The following SULT6B1 variants were observed in gnomAD, a reference collection of about 807,000 sequenced individuals.
SULT6B1 encodes sulfotransferase 6B1.
SULT6B1 carries 44 observed loss-of-function variants against 37.2 expected under a neutral mutation model. The observed-to-expected ratio is 1.18, with a 90% CI of 0.93 to 1.52. The LOEUF is 1.52. Among genes scored for constraint, SULT6B1 ranks in the 40% most tolerant of loss-of-function variants. The probability of loss-of-function intolerance (pLI) is 0.00; values close to 1 mark genes in which losing one functional copy is unlikely to be tolerated. For missense variants in SULT6B1, 450 were observed against 361.0 expected, an observed-to-expected ratio of 1.25 and a Z score of -2.00; for synonymous variants, 140 against 126.0, an observed-to-expected ratio of 1.11 and a Z score of -0.74.
At chr2:37,168,803 C>A (rs577197793) in intron 6 of SULT6B1, among the ~76,000 whole-genome samples, 1 of 152,144 alleles carries the variant, frequency 6.6e-6, no homozygotes, top group African/African-American at 2.4e-5. Context: ...CTGGCTGTTA[C>A]CAGTAAAGAA....
chr2:37,190,181 C>A (rs184656434), upstream of SULT6B1, among the ~76,000 whole-genome samples: 52 of 152,330 alleles, frequency 3.4e-4, no homozygotes, highest in Admixed American at 8.5e-4. Flanking sequence ...TTTTCTGGGT[C>A]ATAATTTACT....
intron 5 of SULT6B1, 71 bp from the exon 6 acceptor site, chr2:37,171,661 T>C (rs1324589101): frequency 6.7e-7 from 1 of 1,486,184 alleles, no homozygotes; most frequent in Non-Finnish European, 9.2e-7. Flanking sequence ...ACAGACTTTT[T>C]AGTCATCAGA....
At chr2:37,168,527 A>G (rs1023690077) in intron 6 of SULT6B1, among the ~76,000 whole-genome samples, 5 of 152,178 alleles carry the variant, frequency 3.3e-5, no homozygotes, top group African/African-American at 4.8e-5. Context: ...GGACTCCACC[A>G]TCTGTGGTGT....
Position 37,167,967 on chromosome 2 carries a change from T to G in SULT6B1, c.880A>C (p.Lys294Gln), listed in dbSNP as rs1463153848. 1 of 1,599,670 alleles carries G rather than the reference T, an allele frequency of 6.3e-7. No individual in the cohort carries two copies. The highest frequency in any genetic ancestry group is 1.8e-5 in the Admixed American group (1 of 55,324). Reference protein sequence around the residue: ...ECLAGTSLGAKLKYESYCQG With the variant: ...ECLAGTSLGAQLKYESYCQG ...TGGCAATATGATTCATACTTCAACT[T>G]TGCTCCGAGGGAGGTGCCTGCTAAG... The change falls in exon 7 of 7, where the codon AAG (lysine) becomes CAG (glutamine). Residue 294 changes from lysine (K) to glutamine (Q), a missense_variant. Transcript: ENST00000535679.
chr2:37,169,313 A>T (rs1375664226), intron 6 of SULT6B1, among the ~76,000 whole-genome samples: 2 of 152,192 alleles, frequency 1.3e-5, no homozygotes, highest in Non-Finnish European at 2.9e-5. Flanking sequence ...TAGATTTTAA[A>T]AATGGATTTT....
intron 6 of SULT6B1, 60 bp downstream of exon 6, chr2:37,171,374 C>CA: frequency 6.4e-7 from 1 of 1,553,722 alleles, no homozygotes; most frequent in South Asian, 1.2e-5. Flanking sequence ...TTTGGATTAC[C>CA]TGTTGTGTGC....
chr2:37,186,431 CTA>C (rs1430194445), intron 2 of SULT6B1, among the ~76,000 whole-genome samples: 2 of 152,112 alleles, frequency 1.3e-5, no homozygotes, highest in Non-Finnish European at 2.9e-5. Flanking sequence ...GTAGAACATC[CTA>C]TCTCACATCC....
intron 3 of SULT6B1, among the ~76,000 whole-genome samples, 169 bp downstream of exon 3, chr2:37,183,256 G>A (rs1359376813): frequency 6.6e-6 from 1 of 152,032 alleles, no homozygotes; most frequent in Non-Finnish European, 1.5e-5. Context: ...TTTGACTTGA[G>A]TGCAACTATA....
chr2:37,179,056 A>G (rs1676491608), intron 4 of SULT6B1, among the ~76,000 whole-genome samples: 1 of 152,136 alleles, frequency 6.6e-6, no homozygotes, highest in Admixed American at 6.6e-5. Flanking sequence ...CCTTCTGGGT[A>G]TAAGCAATTT....
At chr2:37,190,361 G>T (rs1676757199), upstream of SULT6B1, among the ~76,000 whole-genome samples, 2 of 152,234 alleles carry the variant, frequency 1.3e-5, no homozygotes, top group South Asian at 4.1e-4. Context: ...AACCAGTGAA[G>T]AAGATGACTT....
intron 2 of SULT6B1, among the ~76,000 whole-genome samples, chr2:37,185,738 C>T (rs866666134): frequency 1.8e-5 from 2 of 108,998 alleles, no homozygotes; most frequent in African/African-American, 3.6e-5. Context: ...AAAAAAAAAA[C>T]AGAGAGAGAG....
intron 5 of SULT6B1, among the ~76,000 whole-genome samples, chr2:37,172,996 G>A (rs1676339150): frequency 6.6e-6 from 1 of 151,936 alleles, no homozygotes; most frequent in Non-Finnish European, 1.5e-5. Context: ...GGGATTACAG[G>A]CACGCACCAC....
At chr2:37,182,559 C>G (rs1014970057) in intron 3 of SULT6B1, among the ~76,000 whole-genome samples, 1 of 152,150 alleles carries the variant, frequency 6.6e-6, no homozygotes, top group Non-Finnish European at 1.5e-5. Flanking sequence ...GAACTACTGA[C>G]TTCAAGTGAT....
At chr2:37,177,005 G>C (rs1230103673) in intron 4 of SULT6B1, among the ~76,000 whole-genome samples, 1 of 152,074 alleles carries the variant, frequency 6.6e-6, no homozygotes, top group Non-Finnish European at 1.5e-5. Context: ...GAGAGGCCAA[G>C]GGAATATCAG....
At chr2:37,174,605 C>CT (rs1218909732) in intron 5 of SULT6B1, among the ~76,000 whole-genome samples, 2 of 152,078 alleles carry the variant, frequency 1.3e-5, no homozygotes, top group Admixed American at 1.3e-4. Context: ...TTCTCACATA[C>CT]TATATACATT....
At chr2:37,172,010 T>G (rs765679842) in intron 5 of SULT6B1, among the ~76,000 whole-genome samples, 14 of 152,146 alleles carry the variant, frequency 9.2e-5, no homozygotes, top group Non-Finnish European at 1.5e-4. Flanking sequence ...TTTAATTCCA[T>G]TAAGAAAGTC....
chr2:37,177,101 T>G (rs1676447090), intron 4 of SULT6B1, among the ~76,000 whole-genome samples: 1 of 152,150 alleles, frequency 6.6e-6, no homozygotes, highest in East Asian at 1.9e-4. Flanking sequence ...CAAGGATGGA[T>G]AGGGAAACAG....
chr2:37,185,717 C>CAAAAAAAAAAAAAAA (rs200087048), intron 2 of SULT6B1, among the ~76,000 whole-genome samples: 8 of 83,386 alleles, frequency 9.6e-5, no homozygotes, highest in East Asian at 2.3e-4. Flanking sequence ...GACTCCATTT[C>CAAAAAAAAAAAAAAA]AAAAAAAAAA....
chr2:37,188,860 G>T (rs1447614512), upstream of SULT6B1, among the ~76,000 whole-genome samples: 1 of 152,172 alleles, frequency 6.6e-6, no homozygotes, highest in Non-Finnish European at 1.5e-5. Flanking sequence ...TACCCCAAGG[G>T]CTGATTACAT....
Sources: allele counts gnomAD v4.1 joint callset (sites outside exome capture counted in the v4.1 genomes callset), GRCh38; gene constraint gnomAD v4.1.1; transcripts MANE v1.5; gene names NCBI Gene and HGNC (gene_info 2026-07-23, HGNC 2026-07-21).